Variants in VWC2 observed in about 807,000 individuals in gnomAD.
VWC2 encodes brorin.
VWC2 carries 14 observed loss-of-function variants against 29.8 expected under a neutral mutation model. That is an observed-to-expected ratio of 0.47 (90% CI 0.31 to 0.74). The LOEUF (loss-of-function observed/expected upper bound fraction) is 0.74. VWC2 is among the 30% of genes least tolerant of loss of function. VWC2 has a pLI of 0.05. For missense variants in VWC2, 457 were observed against 459.8 expected (o/e 0.99, Z 0.05); for synonymous variants, 213 against 199.0 (o/e 1.07, Z -0.59).
intron 3 of VWC2, among the ~76,000 whole-genome samples, chr7:49,804,996 T>A (rs1407403846): frequency 6.6e-6 from 1 of 152,202 alleles, no homozygotes; most frequent in African/African-American, 2.4e-5. Context: ...AGAACTACAT[T>A]GAGCAGTTAC....
intron 3 of VWC2, among the ~76,000 whole-genome samples, chr7:49,818,667 A>T (rs1181592590): frequency 2.0e-5 from 3 of 151,914 alleles, no homozygotes; most frequent in Non-Finnish European, 4.4e-5. Flanking sequence ...TCTGTGTTGC[A>T]TGCACTTCAC....
chr7:49,864,050 C>T (rs1410796351), intron 3 of VWC2, among the ~76,000 whole-genome samples: 1 of 151,960 alleles, frequency 6.6e-6, no homozygotes, highest in Non-Finnish European at 1.5e-5. Context: ...ATCAGACTGC[C>T]CTTCTTCCAG....
At chr7:49,811,092 G>A (rs1788995614) in intron 3 of VWC2, among the ~76,000 whole-genome samples, 1 of 152,066 alleles carries the variant, frequency 6.6e-6, no homozygotes, top group African/African-American at 2.4e-5. Flanking sequence ...CAAACTTTGA[G>A]AAAACATTTG....
At chr7:49,869,422 A>G (rs1016466146) in intron 3 of VWC2, among the ~76,000 whole-genome samples, 1 of 152,250 alleles carries the variant, frequency 6.6e-6, no homozygotes, top group African/African-American at 2.4e-5. Context: ...CAACGATTTT[A>G]ACAAATCAAA....
At chr7:49,889,499 A>G (rs954428981) in intron 3 of VWC2, among the ~76,000 whole-genome samples, 3 of 152,264 alleles carry the variant, frequency 2.0e-5, no homozygotes. Context: ...CAGCTAAGAC[A>G]TTGAAATGGG....
chr7:49,851,700 A>G (rs1790184884), intron 3 of VWC2, among the ~76,000 whole-genome samples: 1 of 152,180 alleles, frequency 6.6e-6, no homozygotes, highest in African/African-American at 2.4e-5. Flanking sequence ...TCTACTAAAA[A>G]TACAAAACTT....
chr7:49,910,852 G>A (rs565995950), intron 3 of VWC2, among the ~76,000 whole-genome samples: 11 of 152,290 alleles, frequency 7.2e-5, no homozygotes, highest in Admixed American at 2.0e-4. Flanking sequence ...CACATCACCT[G>A]AGAACTTATC....
intron 3 of VWC2, among the ~76,000 whole-genome samples, chr7:49,849,181 G>A (rs691087): frequency 0.051 from 7,695 of 152,238 alleles, 650 homozygotes; most frequent in African/African-American, 0.17. Flanking sequence ...ACTGGATCCC[G>A]TGAAGCCTCG....
chr7:49,881,871 A>AT (rs1791680473), intron 3 of VWC2, among the ~76,000 whole-genome samples: 2 of 152,022 alleles, frequency 1.3e-5, no homozygotes. Context: ...GAATTCATAG[A>AT]TTTTTTAATA....
intron 2 of VWC2, among the ~76,000 whole-genome samples, chr7:49,801,297 C>T (rs908390021): frequency 6.6e-6 from 1 of 152,236 alleles, no homozygotes; most frequent in South Asian, 2.1e-4. Flanking sequence ...TGGGGTCTCC[C>T]TGCCCCTGGC....
Position 49,916,991 on chromosome 7 carries a change from A to G in VWC2, c.*4806A>G, listed in dbSNP as rs1793758535. On this transcript the variant is annotated 3_prime_UTR_variant, in exon 4 of 4. Coordinates refer to ENST00000340652, the MANE Select transcript of VWC2 (RefSeq NM_198570.5). The stretch of plus-strand genomic sequence containing the variant: ...TGAAGAGACACTGGCCCTTTATGAT[A>G]AAGGAAGTCAAGTTTACAGTTTTGA... 1 of 152,224 alleles carries G rather than the reference A, an allele frequency of 6.6e-6. No individual in the cohort carries two copies. Among genetic ancestry groups the G allele is most frequent in the South Asian group, 2.1e-4 (1 of 4,838 alleles). 9.4% of individuals were successfully genotyped at this position (152,224 alleles called of 1,614,324 possible).
intron 3 of VWC2, among the ~76,000 whole-genome samples, chr7:49,876,014 A>G (rs1791400543): frequency 6.6e-6 from 1 of 152,224 alleles, no homozygotes; most frequent in Admixed American, 6.6e-5. Context: ...ATATGGACCC[A>G]GGCAATATTC....
At chr7:49,802,265 C>T (rs1415168957) in intron 2 of VWC2, among the ~76,000 whole-genome samples, 5 of 152,194 alleles carry the variant, frequency 3.3e-5, no homozygotes, top group Non-Finnish European at 5.9e-5. Context: ...CCTGTGTCCA[C>T]ACTCTGAAAA....
At chr7:49,836,594 T>C (rs974099866) in intron 3 of VWC2, among the ~76,000 whole-genome samples, 1 of 151,218 alleles carries the variant, frequency 6.6e-6, no homozygotes, top group Non-Finnish European at 1.5e-5. Context: ...AGCTGAGATC[T>C]CCCCACTGCA....
intron 3 of VWC2, among the ~76,000 whole-genome samples, chr7:49,909,515 G>A (rs978274622): frequency 2.0e-5 from 3 of 152,086 alleles, no homozygotes; most frequent in Non-Finnish European, 4.4e-5. Context: ...AGTGCAGAGA[G>A]GACTAGAATA....
At position 49,775,909 on chromosome 7, in the gene VWC2, G is replaced by C. The variant is rs1490834740; in HGVS notation, c.474G>C (p.Glu158Asp). Residue 158 changes from glutamate (E) to aspartate (D), a missense_variant, in exon 2 of 4, where the codon GAG (glutamate) becomes GAC (aspartate). Transcript: ENST00000340652. ...PDYRGKGCVD[E>D]SGFVYAIGEK... ...ACCGTGGCAAGGGCTGCGTGGACGAGAGCGGCTTCGTGTACGCGATCGGGG... is the reference window on the plus strand; with the variant it reads ...ACCGTGGCAAGGGCTGCGTGGACGACAGCGGCTTCGTGTACGCGATCGGGG... 1.3e-6 allele frequency: 2 copies of C among 1,558,100 alleles called. No individual in the cohort carries two copies. The highest frequency in any genetic ancestry group is 2.4e-5 in the East Asian group (1 of 41,778).
rs865842053 is a variant in VWC2 at position 49,896,972 on chromosome 7, T to C, written c.827-15062T>C. ...CTGCAGTGGCGCAATCTCGGCTCACTGCAAGCTCCGCTTCCCGGGTTCACG... is the reference window on the plus strand; with the variant it reads ...CTGCAGTGGCGCAATCTCGGCTCACCGCAAGCTCCGCTTCCCGGGTTCACG... On this transcript the variant is annotated intron_variant, in intron 3 of 3. Transcript: ENST00000340652. Among the ~76,000 whole-genome samples, 10 of 146,646 alleles carry C rather than the reference T, an allele frequency of 6.8e-5. 1 individual carries two copies. Among genetic ancestry groups the C allele is most frequent in the Middle Eastern group, 7.2e-3 (2 of 276 alleles).
chr7:49,852,388 T>C (rs1303570200), intron 3 of VWC2, among the ~76,000 whole-genome samples: 3 of 152,238 alleles, frequency 2.0e-5, no homozygotes, highest in Admixed American at 2.0e-4. Flanking sequence ...TGTCCTGGCC[T>C]GTTCACTCAT....
intron 3 of VWC2, among the ~76,000 whole-genome samples, chr7:49,832,731 C>T (rs1442105256): frequency 2.0e-5 from 3 of 152,174 alleles, no homozygotes; most frequent in African/African-American, 7.2e-5. Context: ...AGCCAACAGC[C>T]TCTCATCAAC....
Sources: allele counts gnomAD v4.1 joint callset (sites outside exome capture counted in the v4.1 genomes callset), GRCh38; gene constraint gnomAD v4.1.1; transcripts MANE v1.5; gene names NCBI Gene and HGNC (gene_info 2026-07-23, HGNC 2026-07-21).